The following SAMD9L variants were observed in gnomAD, a reference collection of about 807,000 sequenced individuals.
The protein encoded by SAMD9L is sterile alpha motif domain containing 9 like.
A neutral mutation model predicts 90.7 loss-of-function variants in SAMD9L; 68 were observed. The observed-to-expected ratio is 0.75, with a 90% CI of 0.62 to 0.92. The LOEUF (loss-of-function observed/expected upper bound fraction) is 0.92. Ranked by LOEUF, SAMD9L falls within the 40% of genes least tolerant of loss-of-function variation. The pLI is 0.00. For synonymous variants in SAMD9L, 640 were observed against 630.1 expected, an observed-to-expected ratio of 1.02 and a Z score of -0.23; for missense variants, 1,604 against 1,824.3, an observed-to-expected ratio of 0.88 and a Z score of 2.20.
Position 93,145,951 on chromosome 7 carries a change from C to T in SAMD9L, c.-689G>A, listed in dbSNP as rs1792874823. The T allele has an allele frequency of 6.6e-6, 1 of 152,220 alleles. No homozygotes were observed. The highest frequency in any genetic ancestry group is 1.9e-4 in the East Asian group (1 of 5,196). 9.4% of individuals were successfully genotyped at this position (152,220 alleles called of 1,614,324 possible). A position where few individuals can be genotyped will look rare whatever the true frequency, so the allele number is the denominator to read the frequency against. On this transcript the variant is annotated 5_prime_UTR_variant, in exon 3 of 5. Coordinates refer to ENST00000318238, the MANE Select transcript of SAMD9L (RefSeq NM_152703.5). ...TGGTCCAAGCCTTCCTCATCTCTTT[C>T]CTGGATTATAGGAATAGCTTCCTTG...
At position 93,133,705 on chromosome 7, in the gene SAMD9L, C is replaced by G. The variant is rs555753801; in HGVS notation, c.2267G>C (p.Trp756Ser). 3.1e-6 allele frequency: 5 copies of G among 1,613,396 alleles called. No individual in the cohort carries two copies. The highest frequency in any genetic ancestry group is 4.2e-6 in the Non-Finnish European group (5 of 1,179,852). The change falls in exon 5 of 5, where the codon TGG (tryptophan) becomes TCG (serine). Residue 756 changes from tryptophan to serine, a missense_variant. Around this residue, in one of 7 missense-constraint regions of SAMD9L, gnomAD observed 606 missense variants for 717.6 expected, o/e 0.84. Coordinates refer to ENST00000318238, the MANE Select transcript of SAMD9L (RefSeq NM_152703.5). Reference protein sequence around the residue: ...GGTTLAMHVLWDLKKNFRCAV... With the variant: ...GGTTLAMHVLSDLKKNFRCAV... ...ACATCTGAAGTTTTTCTTTAAGTCC[C>G]AGAGAACATGCATAGCCAGTGTGGT... is the stretch of plus-strand genomic sequence containing the variant.
chr7:93,132,518 G>T lies in SAMD9L; in HGVS notation c.3454C>A (p.Leu1152Ile). ...GAGGCTTTTTCCGCAGCTTCTAGGA[G>T]ATGTGTTAGGTCATTAACAGTAATG... ...RSITVNDLTH[L>I]LEAAEKASRA... The change falls in exon 5 of 5, where the codon CTC becomes ATC. Residue 1152 changes from leucine to isoleucine, a missense_variant. By Grantham distance (5) the Leu-to-Ile change is conservative. This residue lies in a region of SAMD9L where 302 missense variants were observed against 314.7 expected (regional missense o/e 0.96). Coordinates refer to ENST00000318238, the MANE Select transcript of SAMD9L (RefSeq NM_152703.5). 1 of 1,613,892 alleles carries T rather than the reference G, an allele frequency of 6.2e-7. No individual in the cohort carries two copies. Among genetic ancestry groups the T allele is most frequent in the Non-Finnish European group, 8.5e-7 (1 of 1,179,836 alleles).
chr7:93,136,259 C>G (rs1202111665), intron 4 of SAMD9L, among the ~76,000 whole-genome samples: 1 of 152,016 alleles, frequency 6.6e-6, no homozygotes, highest in Non-Finnish European at 1.5e-5. Flanking sequence ...AATAATTCTC[C>G]CTTTTAGCTT....
chr7:93,132,389 CTG>C lies in SAMD9L; in HGVS notation c.3581_3582del (p.Thr1194SerfsTer6). ...ACTTCTATTTCACCCAAGAAACAAG[CTG>C]TGTTATACATGTCATATCGTCTCTG... ...KSQRRYDMYN[T>X]ACFLGEIEVG... is the part of the protein sequence containing the mutation. On this transcript the variant is annotated frameshift_variant, in exon 5 of 5. Coordinates refer to ENST00000318238, the MANE Select transcript of SAMD9L (RefSeq NM_152703.5). LOFTEE classifies it high-confidence loss of function. 6.2e-7 allele frequency: 1 copy of C among 1,613,888 alleles called. No individual in the cohort carries two copies. The highest frequency in any genetic ancestry group is 8.5e-7 in the Non-Finnish European group (1 of 1,179,842).
chr7:93,142,218 T>G (rs1479085516), intron 4 of SAMD9L, among the ~76,000 whole-genome samples: 1 of 152,246 alleles, frequency 6.6e-6, no homozygotes, highest in East Asian at 1.9e-4. Context: ...TTTAGATTTA[T>G]GTACTATACA....
chr7:93,140,419 G>A (rs543746111), intron 4 of SAMD9L, among the ~76,000 whole-genome samples: 1 of 152,240 alleles, frequency 6.6e-6, no homozygotes, highest in Admixed American at 6.5e-5. Flanking sequence ...AACATGGCTG[G>A]ACAATGGCCC....
chr7:93,141,157 G>A (rs902649139), intron 4 of SAMD9L, among the ~76,000 whole-genome samples: 3 of 152,112 alleles, frequency 2.0e-5, no homozygotes, highest in African/African-American at 7.2e-5. Flanking sequence ...CAGGCTTTTG[G>A]GACACTACCT....
rs1792275953 is a variant in SAMD9L at position 93,133,891 on chromosome 7, G to C, written c.2081C>G (p.Ser694Cys). Residue 694 changes from serine to cysteine, a missense_variant, in exon 5 of 5, where the codon TCC (serine) becomes TGC (cysteine). By Grantham distance (112) the Ser-to-Cys change is moderately radical. Transcript: ENST00000318238. ...AGAAGAAAAATAGAAGTTCCACCAG[G>C]ATACTTTGCCACCTCGATAAAAGTG... ...EEHFYRGGKV[S>C]WWNFYFSSEN... 1 of 1,613,562 alleles carries C rather than the reference G, an allele frequency of 6.2e-7. No individual in the cohort carries two copies. Among genetic ancestry groups the C allele is most frequent in the Non-Finnish European group, 8.5e-7 (1 of 1,179,824 alleles).
At position 93,132,940 on chromosome 7, in the gene SAMD9L, A is replaced by G. The variant is rs1423724007; in HGVS notation, c.3032T>C (p.Ile1011Thr). 8 of 1,613,332 alleles carry G rather than the reference A, an allele frequency of 5.0e-6. No individual in the cohort carries two copies. The African/African-American group carries it at 1.1e-4, about 22-fold the overall frequency. Residue 1011 changes from isoleucine to threonine, a missense_variant, in exon 5 of 5, where the codon ATT becomes ACT. This residue lies in a region of SAMD9L where 302 missense variants were observed against 314.7 expected (regional missense o/e 0.96). Coordinates refer to ENST00000318238, the MANE Select transcript of SAMD9L (RefSeq NM_152703.5). ...ERSYHLDKCQ[I>T]ALNILEENLF... ...ATTCTCTTCTAATATATTCAATGCA[A>G]TTTGACATTTATCCAAGTGATAGCT...
chr7:93,136,872 C>T (rs116730269), intron 4 of SAMD9L, among the ~76,000 whole-genome samples: 1,942 of 152,252 alleles, frequency 0.013, 50 homozygotes, highest in African/African-American at 0.045. Context: ...TACTTCTAAA[C>T]ATTTGCCTTG....
In SAMD9L at chr7:93,131,823, G is replaced by A. The variant is rs376872132; in HGVS notation, c.4149C>T (p.Ser1383=). Residue 1383 remains serine, a synonymous_variant, in exon 5 of 5, where the codon TCC becomes TCT. Coordinates refer to ENST00000318238, the MANE Select transcript of SAMD9L (RefSeq NM_152703.5). ...AACTCAGAATAATGTTGGCCAAAAT[G>A]GAATTTTGTTTCTCATTTGTCATGG... ...KKPMTNEKQN[S]ILANIILSCL... is the part of the protein sequence containing the mutation. 5.0e-6 allele frequency: 8 copies of A among 1,612,878 alleles called. No homozygotes were observed. In the African/African-American group the frequency reaches 9.3e-5, roughly 19 times the overall value.
In SAMD9L at chr7:93,133,473, C is replaced by A. The variant is rs149822295; in HGVS notation, c.2499G>T (p.Leu833Phe). Residue 833 changes from leucine (L) to phenylalanine (F), a missense_variant, in exon 5 of 5, where the codon TTG becomes TTT. Around this residue, in one of 7 missense-constraint regions of SAMD9L, gnomAD observed 606 missense variants for 717.6 expected, o/e 0.84. Coordinates refer to ENST00000318238, the MANE Select transcript of SAMD9L (RefSeq NM_152703.5). Reference protein sequence around the residue: ...AEKDLRYEKTLVIILNCMRSR... With the variant: ...AEKDLRYEKTFVIILNCMRSR... ...ATCTCATGCAGTTTAAGATAATTAC[C>A]AATGTTTTTTCATATCGCAAATCCT... The A allele has an allele frequency of 2.0e-5, 33 of 1,612,100 alleles. No homozygotes were observed. Among genetic ancestry groups the A allele is most frequent in the Non-Finnish European group, 2.8e-5 (33 of 1,178,916 alleles).
chr7:93,141,273 C>T (rs1025693491), intron 4 of SAMD9L, among the ~76,000 whole-genome samples: 1 of 152,204 alleles, frequency 6.6e-6, no homozygotes, highest in Non-Finnish European at 1.5e-5. Flanking sequence ...TCAGACCTAG[C>T]CTCTTTTCTA....
At position 93,131,549 on chromosome 7, in the gene SAMD9L, G is replaced by A. The variant is rs1465841668; in HGVS notation, c.4423C>T (p.Leu1475Phe). 1.7e-5 allele frequency: 28 copies of A among 1,613,850 alleles called. No individual in the cohort carries two copies. The highest frequency in any genetic ancestry group is 2.2e-5 in the Non-Finnish European group (26 of 1,179,910). The change falls in exon 5 of 5, where the codon CTT (leucine) becomes TTT (phenylalanine). Residue 1475 changes from leucine to phenylalanine, a missense_variant. Transcript: ENST00000318238. ...RMCRSKQAST[L>F]FYLGKRKGLN... is the part of the protein sequence containing the mutation. ...CCCTTCCTTTTGCCCAGATAGAAAA[G>A]TGTGCTTGCCTGCTTGGACCTGCAC...
Position 93,133,907 on chromosome 7 carries a change from G to A in SAMD9L, c.2065C>T (p.Arg689Ter), listed in dbSNP as rs369074740. 4.6e-5 allele frequency: 74 copies of A among 1,613,630 alleles called. No homozygotes were observed. In the South Asian group the frequency reaches 4.9e-4, roughly 11 times the overall value. ...TTCCACCAGGATACTTTGCCACCTC[G>A]ATAAAAGTGTTCTTCTTTTGATTTC... The part of the protein sequence containing the change: ...FKKSKEEHFY[R>*]GGKVSWWNFY... The change falls in exon 5 of 5, where the codon CGA (arginine) becomes TGA (stop). Residue 689 changes from arginine (R) to a stop codon, truncating the protein, a stop_gained. Coordinates refer to ENST00000318238, the MANE Select transcript of SAMD9L (RefSeq NM_152703.5). LOFTEE classifies it high-confidence loss of function.
intron 1 of SAMD9L, among the ~76,000 whole-genome samples, chr7:93,147,725 G>A (rs1158521023): frequency 6.6e-6 from 1 of 152,198 alleles, no homozygotes; most frequent in East Asian, 1.9e-4. Context: ...TGGATAAGAT[G>A]TATGTGAATG....
chr7:93,131,657 G>T lies in SAMD9L; in HGVS notation c.4315C>A (p.Gln1439Lys), dbSNP rs1330086263. Residue 1439 changes from glutamine (Q) to lysine (K), a missense_variant, in exon 5 of 5, where the codon CAA (glutamine) becomes AAA (lysine). Coordinates refer to ENST00000318238, the MANE Select transcript of SAMD9L (RefSeq NM_152703.5). ...LACLLFWPEN[Q>K]ELDQDSKLIE... Reference sequence around the variant, plus strand: ...AGTTTGGAATCTTGATCTAGCTCTTGATTTTCTGGCCAGAACAGGAGGCAG... The same window carrying T: ...AGTTTGGAATCTTGATCTAGCTCTTTATTTTCTGGCCAGAACAGGAGGCAG... 1 of 1,613,834 alleles carries T rather than the reference G, an allele frequency of 6.2e-7. No homozygotes were observed. The highest frequency in any genetic ancestry group is 1.7e-5 in the Admixed American group (1 of 59,954).
chr7:93,133,684 C>T lies in SAMD9L; in HGVS notation c.2288G>A (p.Arg763Lys). ...HVLWDLKKNFRCAVLKNKTTD... is the reference protein window; with the variant it reads ...HVLWDLKKNFKCAVLKNKTTD... ...TGTCTTGTTTTTTAACACAGCACAT[C>T]TGAAGTTTTTCTTTAAGTCCCAGAG... Residue 763 changes from arginine (R) to lysine (K), a missense_variant, in exon 5 of 5, where the codon AGA becomes AAA. This residue lies in a region of SAMD9L where 606 missense variants were observed against 717.6 expected (regional missense o/e 0.84). Transcript: ENST00000318238. 6.2e-7 allele frequency: 1 copy of T among 1,613,558 alleles called. No homozygotes were observed. Among genetic ancestry groups the T allele is most frequent in the Non-Finnish European group, 8.5e-7 (1 of 1,179,838 alleles).
chr7:93,130,092 T>A lies in SAMD9L; in HGVS notation c.*1125A>T, dbSNP rs1441453720. 2 of 152,204 alleles carry A rather than the reference T, an allele frequency of 1.3e-5. No homozygotes were observed. The highest frequency in any genetic ancestry group is 2.9e-5 in the Non-Finnish European group (2 of 68,042). The allele number at this position is 152,204 out of a possible 1,614,324, so 9.4% of individuals were successfully genotyped here. A position where few individuals can be genotyped will look rare whatever the true frequency, so the allele number is the denominator to read the frequency against. ...ATATATTTTTTATTCAATATTCAAT[T>A]TAATCTATATTAGCCTATGTTTCAC... On this transcript the variant is annotated 3_prime_UTR_variant, in exon 5 of 5. Coordinates refer to ENST00000318238, the MANE Select transcript of SAMD9L (RefSeq NM_152703.5).
Sources: gnomAD v4.1 joint callset for allele counts (sites outside exome capture counted in the v4.1 genomes callset) on GRCh38, gnomAD v4.1.1 for gene constraint, gnomAD v4.1.1 regional missense constraint, MANE v1.5 for transcripts, NCBI Gene and HGNC (gene_info 2026-07-23, HGNC 2026-07-21) for gene names.